MPHOSPH9: variants seen among roughly 807,000 people sequenced by gnomAD.
MPHOSPH9 encodes the protein M-phase phosphoprotein 9.
In MPHOSPH9, 88 loss-of-function variants were observed where a neutral mutation model predicts 145.5. The observed-to-expected ratio is 0.60, with a 90% CI of 0.51 to 0.72. The LOEUF (loss-of-function observed/expected upper bound fraction) is 0.72. Ranked by LOEUF, MPHOSPH9 falls within the 30% of genes least tolerant of loss-of-function variation. MPHOSPH9 has a pLI of 0.00. For missense variants in MPHOSPH9, 1,238 were observed against 1,386.6 expected, an observed-to-expected ratio of 0.89 and a Z score of 1.70; for synonymous variants, 435 against 486.2, an observed-to-expected ratio of 0.89 and a Z score of 1.39.
chr12:123,218,442 A>G lies in MPHOSPH9; in HGVS notation c.930T>C (p.His310=), dbSNP rs577223606. ...TAGATCTTGAACCTCCATCTTCTACATGTGCTCTCTTTGGTTGGTTCTGCT... is the reference window on the plus strand; with the variant it reads ...TAGATCTTGAACCTCCATCTTCTACGTGTGCTCTCTTTGGTTGGTTCTGCT... ...KLKQNQPKRA[H]VEDGGSRSKQ... Residue 310 remains histidine (H), a synonymous_variant, in exon 6 of 24, where the codon CAT becomes CAC. Transcript: ENST00000606320. The G allele has an allele frequency of 3.1e-6, 5 of 1,613,660 alleles. No individual in the cohort carries two copies. In the East Asian group the frequency reaches 1.1e-4, roughly 36 times the overall value.
At chr12:123,228,423 C>T (rs1220555557) in intron 2 of MPHOSPH9, among the ~76,000 whole-genome samples, 1 of 152,212 alleles carries the variant, frequency 6.6e-6, no homozygotes, top group South Asian at 2.1e-4. Flanking sequence ...GGCGCAGTGG[C>T]TCACGCCTGT....
At chr12:123,234,694 G>A (rs1446046514), upstream of MPHOSPH9, among the ~76,000 whole-genome samples, 1 of 152,182 alleles carries the variant, frequency 6.6e-6, no homozygotes, top group Non-Finnish European at 1.5e-5. Flanking sequence ...ACCACGCCTG[G>A]CAATTTTCAA....
upstream of MPHOSPH9, among the ~76,000 whole-genome samples, chr12:123,236,029 A>G (rs572491556): frequency 7.2e-5 from 11 of 152,152 alleles, no homozygotes; most frequent in Non-Finnish European, 1.6e-4. Context: ...GTGCCACTGC[A>G]CTCCAGCCTG....
intron 11 of MPHOSPH9, among the ~76,000 whole-genome samples, chr12:123,201,806 T>G (rs949929925): frequency 6.6e-6 from 1 of 152,176 alleles, no homozygotes; most frequent in Non-Finnish European, 1.5e-5. Flanking sequence ...CATTCTCCCC[T>G]GCATATCTTT....
chr12:123,169,897 C>A (rs1220527666), intron 16 of MPHOSPH9, among the ~76,000 whole-genome samples: 1 of 151,810 alleles, frequency 6.6e-6, no homozygotes, highest in Non-Finnish European at 1.5e-5. Context: ...CCCGATCTTG[C>A]AAAATTTGTT....
In MPHOSPH9 at chr12:123,203,023, G is replaced by A. The variant is rs750716345; in HGVS notation, c.1382C>T (p.Pro461Leu). Residue 461 changes from proline to leucine, a missense_variant, in exon 10 of 24, where the codon CCT becomes CTT. Coordinates refer to ENST00000606320, the MANE Select transcript of MPHOSPH9 (RefSeq NM_022782.4). Reference sequence around the variant, plus strand: ...ATCAAGGGCATTCGGAAGGCCGTGAGGTTGAATCCCTGAAATCTGCTGCTT... The same window carrying A: ...ATCAAGGGCATTCGGAAGGCCGTGAAGTTGAATCCCTGAAATCTGCTGCTT... ...KPKQQISGIQ[P>L]HGLPNALDDR... The A allele has an allele frequency of 6.2e-6, 10 of 1,614,190 alleles. No homozygotes were observed. Among genetic ancestry groups the A allele is most frequent in the Non-Finnish European group, 8.5e-6 (10 of 1,180,044 alleles).
intron 6 of MPHOSPH9, 24 bp from the exon 7 acceptor site, chr12:123,214,858 T>A (rs1235803415): frequency 6.3e-7 from 1 of 1,581,662 alleles, no homozygotes; most frequent in Non-Finnish European, 8.7e-7. Flanking sequence ...AACTATTGAT[T>A]GACAGCTAAA....
chr12:123,239,661 C>T (rs1386795627), intron 1 of MPHOSPH9, among the ~76,000 whole-genome samples: 1 of 152,198 alleles, frequency 6.6e-6, no homozygotes, highest in Non-Finnish European at 1.5e-5. Context: ...CTTGGCCTCC[C>T]AAAGTGCTGG....
chr12:123,167,016 G>A (rs1473662325), intron 16 of MPHOSPH9, among the ~76,000 whole-genome samples: 2 of 152,036 alleles, frequency 1.3e-5, no homozygotes, highest in Non-Finnish European at 2.9e-5. Flanking sequence ...CAAGATTCAG[G>A]TACTTGCGGC....
chr12:123,168,381 A>T (rs113037745), intron 16 of MPHOSPH9, among the ~76,000 whole-genome samples: 26 of 140,380 alleles, frequency 1.9e-4, no homozygotes, highest in African/African-American at 7.1e-4. Flanking sequence ...TCGCTCTGTC[A>T]CCCAGGCTGG....
intron 3 of MPHOSPH9, among the ~76,000 whole-genome samples, chr12:123,225,070 G>A (rs149016622): frequency 5.9e-4 from 90 of 152,126 alleles, no homozygotes; most frequent in African/African-American, 1.5e-3. Flanking sequence ...TTTTTAAAGC[G>A]GGTAAAGGTA....
At position 123,163,936 on chromosome 12, in the gene MPHOSPH9, C is replaced by T. The variant is rs987730001; in HGVS notation, c.2908+14G>A. ...CGCTTTTGAACCCAAGAGATGTACA[C>T]ATCTAACTCTTACTTGGAGTACTTG... is the stretch of plus-strand genomic sequence containing the variant. On this transcript the variant is annotated intron_variant, in intron 19 of 23. Coordinates refer to ENST00000606320, the MANE Select transcript of MPHOSPH9 (RefSeq NM_022782.4). 3.7e-6 allele frequency: 6 copies of T among 1,613,958 alleles called. No homozygotes were observed. The highest frequency in any genetic ancestry group is 5.1e-6 in the Non-Finnish European group (6 of 1,179,932).
intron 7 of MPHOSPH9, among the ~76,000 whole-genome samples, chr12:123,210,977 C>CTTTTT (rs907442708): frequency 3.3e-5 from 3 of 89,786 alleles, no homozygotes; most frequent in Non-Finnish European, 6.3e-5. Context: ...TTTGTTTTTT[C>CTTTTT]TTTTTTTTTT....
In MPHOSPH9 at chr12:123,230,335, TA is replaced by T; in HGVS notation, c.29del (p.Leu10TyrfsTer8). 6.5e-7 allele frequency: 1 copy of T among 1,533,736 alleles called. No individual in the cohort carries two copies. The highest frequency in any genetic ancestry group is 8.7e-7 in the Non-Finnish European group (1 of 1,145,142). On this transcript the variant is annotated frameshift_variant, in exon 2 of 24. Transcript: ENST00000606320. LOFTEE classifies it high-confidence loss of function. ...ATCCTACAGAAGATGAAGTTTTGTG[TA>T]AGGTTTTCACCAAGTCAAACTCTTC... The part of the protein sequence containing the change: MEEFDLVKT[L>X]HKTSSSVGSD...
intron 15 of MPHOSPH9, among the ~76,000 whole-genome samples, chr12:123,177,449 C>G (rs1017013693): frequency 3.1e-4 from 47 of 151,646 alleles, no homozygotes; most frequent in African/African-American, 1.1e-3. Flanking sequence ...GCAGGAGAAT[C>G]GGCTTGAACC....
upstream of MPHOSPH9, among the ~76,000 whole-genome samples, chr12:123,234,872 C>T (rs1565988397): frequency 6.6e-6 from 1 of 152,174 alleles, no homozygotes; most frequent in African/African-American, 2.4e-5. Context: ...ACAGTGATCT[C>T]CTTAGTACCT....
intron 20 of MPHOSPH9, 56 bp downstream of exon 20, chr12:123,162,958 T>C (rs1205137167): frequency 2.0e-6 from 3 of 1,464,802 alleles, no homozygotes; most frequent in Admixed American, 2.7e-5. Flanking sequence ...TAAGTCAACA[T>C]TTAGAAAAAA....
At chr12:123,228,621 G>A (rs1385738296) in intron 2 of MPHOSPH9, among the ~76,000 whole-genome samples, 2 of 152,076 alleles carry the variant, frequency 1.3e-5, no homozygotes, top group Non-Finnish European at 2.9e-5. Context: ...CCAGGACACG[G>A]AGATCGCAAT....
chr12:123,169,030 G>A (rs1287365697), intron 16 of MPHOSPH9, among the ~76,000 whole-genome samples: 1 of 151,480 alleles, frequency 6.6e-6, no homozygotes, highest in Non-Finnish European at 1.5e-5. Flanking sequence ...GACTACAGGC[G>A]CCCACCACCA....
Sources: gnomAD v4.1 joint callset for allele counts (sites outside exome capture counted in the v4.1 genomes callset) on GRCh38, gnomAD v4.1.1 for gene constraint, MANE v1.5 for transcripts, NCBI Gene and HGNC (gene_info 2026-07-23, HGNC 2026-07-21) for gene names.